The following ZFAND3 variants were observed in gnomAD, a reference collection of about 807,000 sequenced individuals.
The protein encoded by ZFAND3 is AN1-type zinc finger protein 3.
In ZFAND3, 10 loss-of-function variants were observed where a neutral mutation model predicts 29.6. The observed-to-expected ratio is 0.34, with a 90% CI of 0.21 to 0.57. The LOEUF (loss-of-function observed/expected upper bound fraction) is 0.57. Among genes scored for constraint, ZFAND3 ranks in the 20% least tolerant of loss-of-function variants. The pLI is 0.86. For missense variants in ZFAND3, 230 were observed against 304.5 expected (o/e 0.76, Z 1.82); for synonymous variants, 128 against 112.6 (o/e 1.14, Z -0.87).
chr6:37,902,825 T>A (rs1016563964), intron 1 of ZFAND3, among the ~76,000 whole-genome samples: 1 of 149,922 alleles, frequency 6.7e-6, no homozygotes, highest in African/African-American at 2.5e-5. Flanking sequence ...GTGATTCTCC[T>A]GCTTCGGCTT....
chr6:38,050,072 A>C (rs189087461), intron 2 of ZFAND3, among the ~76,000 whole-genome samples: 70 of 148,064 alleles, frequency 4.7e-4, no homozygotes, highest in South Asian at 8.6e-4. Flanking sequence ...ATCATGCGTC[A>C]GCCTCCTGAG....
In ZFAND3 at chr6:38,017,033, A is replaced by G. The variant is rs140186608; in HGVS notation, c.113-44560A>G. Among the ~76,000 whole-genome samples, 46 of 152,272 alleles carry G rather than the reference A, an allele frequency of 3.0e-4. 1 individual carries two copies. In the East Asian group the frequency reaches 7.7e-3, roughly 26 times the overall value. On this transcript the variant is annotated intron_variant, in intron 2 of 5. Transcript: ENST00000287218. ...TGCTTGCCTTCTGACCAAATTCATC[A>G]CATTGGGAAGTGGAAGTATACATTG...
At chr6:38,078,696 T>C (rs1188201949) in intron 3 of ZFAND3, among the ~76,000 whole-genome samples, 1 of 152,192 alleles carries the variant, frequency 6.6e-6, no homozygotes, top group Middle Eastern at 3.2e-3. Context: ...GAAATACATC[T>C]ATTGTCCCAA....
chr6:37,896,560 T>TTCTTTCTTTCTC (rs1186369171), intron 1 of ZFAND3, among the ~76,000 whole-genome samples: 12 of 148,408 alleles, frequency 8.1e-5, no homozygotes, highest in Non-Finnish European at 1.3e-4. Flanking sequence ...CTTTCTTTCT[T>TTCTTTCTTTCTC]TCTTTCTTTC....
intron 5 of ZFAND3, among the ~76,000 whole-genome samples, chr6:38,119,164 AC>A (rs1765477987): frequency 1.3e-5 from 2 of 152,328 alleles, no homozygotes; most frequent in Admixed American, 1.3e-4. Flanking sequence ...ATGAAGGACA[AC>A]AATGGGAACA....
intron 2 of ZFAND3, among the ~76,000 whole-genome samples, chr6:37,933,158 A>G (rs1031518320): frequency 1.3e-5 from 2 of 152,264 alleles, no homozygotes; most frequent in African/African-American, 4.8e-5. Context: ...TTTTTAAAGT[A>G]TATTGTAAAA....
intron 2 of ZFAND3, among the ~76,000 whole-genome samples, chr6:37,944,237 CA>C (rs1157385327): frequency 6.6e-6 from 1 of 152,004 alleles, no homozygotes; most frequent in Non-Finnish European, 1.5e-5. Context: ...TACCATATAG[CA>C]ATTACAAGAA....
In ZFAND3 at chr6:38,140,245, A is replaced by G. The variant is rs373754509; in HGVS notation, c.530-11990A>G. 1.6e-4 allele frequency among the ~76,000 whole-genome samples: 25 copies of G among 152,342 alleles called. No homozygotes were observed. The South Asian group carries it at 5.2e-3, about 32-fold the overall frequency. ...AGAGATAAATTTCAGAATTGTTAGCATACATAGTTAGAATTTTAACCTTGA... is the reference window on the plus strand; with the variant it reads ...AGAGATAAATTTCAGAATTGTTAGCGTACATAGTTAGAATTTTAACCTTGA... On this transcript the variant is annotated intron_variant, in intron 5 of 5. Transcript: ENST00000287218.
chr6:38,130,484 C>G (rs1254876572), intron 5 of ZFAND3, among the ~76,000 whole-genome samples: 1 of 152,098 alleles, frequency 6.6e-6, no homozygotes, highest in Non-Finnish European at 1.5e-5. Flanking sequence ...GAGGTATATT[C>G]CTTGTATGCT....
At chr6:38,147,660 A>G (rs778816219) in intron 5 of ZFAND3, among the ~76,000 whole-genome samples, 2 of 152,150 alleles carry the variant, frequency 1.3e-5, no homozygotes, top group Non-Finnish European at 2.9e-5. Flanking sequence ...TTGTCTTTTT[A>G]ACAATAGCCA....
chr6:38,018,771 G>A (rs1004765660), intron 2 of ZFAND3, among the ~76,000 whole-genome samples: 2 of 152,076 alleles, frequency 1.3e-5, no homozygotes, highest in African/African-American at 4.8e-5. Context: ...AGGGTACTTT[G>A]TACATGCAAG....
At chr6:37,999,866 T>A (rs980183927) in intron 2 of ZFAND3, among the ~76,000 whole-genome samples, 2 of 152,164 alleles carry the variant, frequency 1.3e-5, no homozygotes, top group Admixed American at 1.3e-4. Flanking sequence ...TATTGGCTCG[T>A]TAATTGTAAC....
chr6:38,109,573 C>G (rs1765275754), intron 4 of ZFAND3, among the ~76,000 whole-genome samples: 1 of 152,026 alleles, frequency 6.6e-6, no homozygotes, highest in Non-Finnish European at 1.5e-5. Flanking sequence ...TTGATGAGTT[C>G]ATAGTCACTT....
intron 5 of ZFAND3, among the ~76,000 whole-genome samples, chr6:38,143,439 C>T (rs1404710928): frequency 6.6e-6 from 1 of 152,258 alleles, no homozygotes; most frequent in Non-Finnish European, 1.5e-5. Context: ...ACACAGCTGC[C>T]TTATGAGTTC....
intron 1 of ZFAND3, among the ~76,000 whole-genome samples, chr6:37,886,776 C>T (rs1051010134): frequency 6.6e-6 from 1 of 152,188 alleles, no homozygotes; most frequent in African/African-American, 2.4e-5. Flanking sequence ...GGGCGCATCA[C>T]TTGAGGCCAG....
chr6:38,052,220 CT>C (rs1287906654), intron 2 of ZFAND3, among the ~76,000 whole-genome samples: 1 of 152,118 alleles, frequency 6.6e-6, no homozygotes, highest in African/African-American at 2.4e-5. Flanking sequence ...AAATCTTAAG[CT>C]TTGTGATTTA....
chr6:37,893,345 C>T (rs898791658), intron 1 of ZFAND3, among the ~76,000 whole-genome samples: 1 of 152,106 alleles, frequency 6.6e-6, no homozygotes, highest in Non-Finnish European at 1.5e-5. Flanking sequence ...ATCATCATCT[C>T]AATAGAGGCA....
chr6:37,950,751 T>C (rs1215556355), intron 2 of ZFAND3, among the ~76,000 whole-genome samples: 2 of 152,188 alleles, frequency 1.3e-5, no homozygotes, highest in African/African-American at 2.4e-5. Context: ...TGGTCTGTTT[T>C]TTACCAGTAC....
At chr6:38,043,832 A>G (rs998404796) in intron 2 of ZFAND3, among the ~76,000 whole-genome samples, 3 of 151,880 alleles carry the variant, frequency 2.0e-5, no homozygotes, top group Non-Finnish European at 4.4e-5. Context: ...TTATTTAGAG[A>G]CGAAGTCTCA....
Sources: allele counts gnomAD v4.1 joint callset (sites outside exome capture counted in the v4.1 genomes callset), GRCh38; gene constraint gnomAD v4.1.1; transcripts MANE v1.5; gene names NCBI Gene and HGNC (gene_info 2026-07-23, HGNC 2026-07-21).